The following RNF128 variants were observed in gnomAD, a reference collection of about 807,000 sequenced individuals.
RNF128 encodes ring finger protein 128.
Under a neutral mutation model 26.2 loss-of-function variants are expected in RNF128, and 13 were observed. That is an observed-to-expected ratio of 0.50 (90% CI 0.32 to 0.79). RNF128 has a LOEUF of 0.79. RNF128 is among the 30% of genes least tolerant of loss of function. The probability of loss-of-function intolerance (pLI) is 0.03; values close to 1 mark genes in which losing one functional copy is unlikely to be tolerated. For missense variants in RNF128, 315 were observed against 349.7 expected (o/e 0.90, Z 0.79); for synonymous variants, 149 against 142.5 (o/e 1.05, Z -0.32).
chrX:106,731,319 G>T (rs1929499712), intron 1 of RNF128, among the ~76,000 whole-genome samples: 1 of 111,179 alleles, frequency 9.0e-6, no homozygotes, highest in African/African-American at 3.3e-5. Context: ...TATGTTTGTT[G>T]TACTTTTCTC....
chrX:106,694,603 T>A (rs1354033905), intron 1 of RNF128, among the ~76,000 whole-genome samples: 1 of 111,859 alleles, frequency 8.9e-6, no homozygotes, highest in Non-Finnish European at 1.9e-5. Context: ...ACAGTAGCAA[T>A]TCATGAAGTG....
intron 1 of RNF128, among the ~76,000 whole-genome samples, chrX:106,727,661 C>T (rs1386733110): frequency 9.0e-6 from 1 of 111,109 alleles, no homozygotes; most frequent in Admixed American, 9.6e-5. Context: ...TGTTTGAGCT[C>T]TTTGCGTTCC....
At chrX:106,785,238 G>T in intron 3 of RNF128, 102 bp downstream of exon 3, 1 of 626,451 alleles carries the variant, frequency 1.6e-6, no homozygotes, top group Non-Finnish European at 2.4e-6. Context: ...TGGCATTTAT[G>T]AACCTTATTG....
At chrX:106,714,106 A>G (rs1929174641) in intron 1 of RNF128, among the ~76,000 whole-genome samples, 1 of 106,393 alleles carries the variant, frequency 9.4e-6, no homozygotes, top group Admixed American at 1.0e-4. Context: ...TGAACCCAGG[A>G]GGCGGAGCTT....
intron 1 of RNF128, among the ~76,000 whole-genome samples, chrX:106,710,123 C>T (rs1210026585): frequency 9.0e-6 from 1 of 111,660 alleles, no homozygotes; most frequent in Non-Finnish European, 1.9e-5. Context: ...CAGTAAAGTA[C>T]CATGTTCTAC....
At chrX:106,719,142 C>A (rs1929268066) in intron 1 of RNF128, among the ~76,000 whole-genome samples, 1 of 111,654 alleles carries the variant, frequency 9.0e-6, no homozygotes, top group Non-Finnish European at 1.9e-5. Flanking sequence ...GGAGCCCCAG[C>A]CTTATTAGAA....
intron 1 of RNF128, among the ~76,000 whole-genome samples, chrX:106,705,045 G>A (rs5962726): frequency 0.045 from 5,025 of 111,747 alleles, 285 homozygotes; most frequent in African/African-American, 0.16. Flanking sequence ...TGTTCCTAGA[G>A]CTATGATTGT....
intron 1 of RNF128, among the ~76,000 whole-genome samples, chrX:106,760,828 G>A (rs1000853562): frequency 3.6e-5 from 4 of 111,654 alleles, no homozygotes; most frequent in Admixed American, 2.9e-4. Context: ...GCAGCAAATC[G>A]TGTCATTTGC....
At chrX:106,759,814 A>G (rs1465711695) in intron 1 of RNF128, among the ~76,000 whole-genome samples, 1 of 111,785 alleles carries the variant, frequency 8.9e-6, no homozygotes, top group Non-Finnish European at 1.9e-5. Context: ...GAAATTGGGG[A>G]TTATTACTGG....
chrX:106,779,135 A>AC (rs1930520077), intron 2 of RNF128, among the ~76,000 whole-genome samples: 1 of 111,681 alleles, frequency 9.0e-6, no homozygotes, highest in Non-Finnish European at 1.9e-5. Flanking sequence ...TTCTCACTGA[A>AC]CAAAAGAAAG....
intron 1 of RNF128, among the ~76,000 whole-genome samples, chrX:106,704,242 T>C (rs1402309611): frequency 5.5e-5 from 6 of 109,493 alleles, no homozygotes; most frequent in African/African-American, 2.0e-4. Flanking sequence ...AAAACCATCC[T>C]AGCTAATACG....
chrX:106,763,921 C>T (rs893331924), intron 1 of RNF128, among the ~76,000 whole-genome samples: 2 of 90,400 alleles, frequency 2.2e-5, no homozygotes, highest in African/African-American at 1.2e-4. Flanking sequence ...CTTGCCTATC[C>T]TTGTTTTTTG....
In RNF128 at chrX:106,796,363, C is replaced by T. The variant is rs948442900; in HGVS notation, c.*650C>T. ...TGGTATATTAGTGACATCAACTTGA[C>T]ACAAGATTAGACAAAAAATTCCTTA... On this transcript the variant is annotated 3_prime_UTR_variant, in exon 7 of 7. Coordinates refer to ENST00000255499, the MANE Select transcript of RNF128 (RefSeq NM_194463.2). 2 of 111,774 alleles carry T rather than the reference C, an allele frequency of 1.8e-5. No homozygotes were observed. The highest frequency in any genetic ancestry group is 9.6e-5 in the Admixed American group (1 of 10,435). The allele number at this position is 111,774 out of a possible 1,213,427, so 9.2% of individuals were successfully genotyped here. A position where few individuals can be genotyped will look rare whatever the true frequency, so the allele number is the denominator to read the frequency against.
intron 1 of RNF128, among the ~76,000 whole-genome samples, chrX:106,696,632 C>G (rs1380179460): frequency 9.0e-6 from 1 of 110,745 alleles, no homozygotes; most frequent in Non-Finnish European, 1.9e-5. Flanking sequence ...TTCAGAAAAT[C>G]ACACTGTAGC....
At chrX:106,775,880 A>G (rs758731694) in intron 2 of RNF128, among the ~76,000 whole-genome samples, 1 of 111,851 alleles carries the variant, frequency 8.9e-6, no homozygotes, top group East Asian at 2.8e-4. Context: ...GTTATGATAC[A>G]TGGTATATAA....
chrX:106,752,588 G>C (rs1929914529), intron 1 of RNF128, among the ~76,000 whole-genome samples: 1 of 112,135 alleles, frequency 8.9e-6, no homozygotes, highest in Non-Finnish European at 1.9e-5. Context: ...TCTCAAGAAG[G>C]ACAGGTATAA....
chrX:106,709,925 C>T (rs1929098698), intron 1 of RNF128, among the ~76,000 whole-genome samples: 1 of 111,363 alleles, frequency 9.0e-6, no homozygotes, highest in South Asian at 3.8e-4. Flanking sequence ...TGAAAGGCTT[C>T]CTCAATCACA....
At chrX:106,728,188 A>G (rs994587417) in intron 1 of RNF128, among the ~76,000 whole-genome samples, 1 of 111,818 alleles carries the variant, frequency 8.9e-6, no homozygotes, top group African/African-American at 3.3e-5. Context: ...ATTTGTGATT[A>G]GGTATCCATA....
At chrX:106,739,204 G>A (rs919438025) in intron 1 of RNF128, among the ~76,000 whole-genome samples, 1 of 108,585 alleles carries the variant, frequency 9.2e-6, no homozygotes, top group Admixed American at 1.0e-4. Context: ...CTGTCACCCA[G>A]GCTGGAGTGC....
Sources: gnomAD v4.1 joint callset for allele counts (sites outside exome capture counted in the v4.1 genomes callset) on GRCh38, gnomAD v4.1.1 for gene constraint, MANE v1.5 for transcripts, NCBI Gene and HGNC (gene_info 2026-07-23, HGNC 2026-07-21) for gene names.